Variants in MAP1B observed in about 807,000 individuals in gnomAD.
The protein encoded by MAP1B is microtubule-associated protein 1B.
MAP1B carries 12 observed loss-of-function variants against 176.1 expected under a neutral mutation model. The observed-to-expected ratio is 0.07, with a 90% CI of 0.04 to 0.11. The LOEUF (loss-of-function observed/expected upper bound fraction) is 0.11, where lower values mean the gene tolerates loss of function less well. MAP1B is among the 10% of genes least tolerant of loss of function. The pLI is 1.00. For synonymous variants in MAP1B, 1,044 were observed against 1,135.0 expected (o/e 0.92, Z 1.61); for missense variants, 2,523 against 2,990.5 (o/e 0.84, Z 3.65).
intron 2 of MAP1B, among the ~76,000 whole-genome samples, chr5:72,164,346 G>A (rs1746387785): frequency 6.6e-6 from 1 of 152,078 alleles, no homozygotes; most frequent in South Asian, 2.1e-4. Context: ...GATAATCTAG[G>A]CCAGGACTGT....
At chr5:72,141,062 T>C (rs1235565753) in intron 2 of MAP1B, among the ~76,000 whole-genome samples, 1 of 152,226 alleles carries the variant, frequency 6.6e-6, no homozygotes, top group Non-Finnish European at 1.5e-5. Flanking sequence ...TTTTGGTGTC[T>C]GTGTCTTCTG....
At position 72,206,011 on chromosome 5, in the gene MAP1B, C is replaced by CA. The variant is rs1027179167; in HGVS notation, c.*773dup. The CA allele has an allele frequency of 2.0e-5, 3 of 152,604 alleles. No individual in the cohort carries two copies. Among genetic ancestry groups the CA allele is most frequent in the African/African-American group, 7.2e-5 (3 of 41,412 alleles). 9.5% of individuals were successfully genotyped at this position (152,604 alleles called of 1,614,324 possible). A position where few individuals can be genotyped will look rare whatever the true frequency, so the allele number is the denominator to read the frequency against. The stretch of plus-strand genomic sequence containing the variant: ...TGGTTTGGGCCCCATTCAGAACTCT[C>CA]AGACTCTAAACACACAAGTAGATTG... On this transcript the variant is annotated 3_prime_UTR_variant, in exon 7 of 7. Transcript: ENST00000296755.
intron 2 of MAP1B, among the ~76,000 whole-genome samples, chr5:72,166,718 A>G (rs904601997): frequency 1.3e-5 from 2 of 152,146 alleles, no homozygotes; most frequent in African/African-American, 4.8e-5. Flanking sequence ...AGGATGTGTA[A>G]AGGGAAATGC....
chr5:72,129,556 TA>T (rs879933423), intron 2 of MAP1B, among the ~76,000 whole-genome samples: 275 of 140,656 alleles, frequency 2.0e-3, no homozygotes, highest in Middle Eastern at 0.011. Flanking sequence ...GACTCCGTCC[TA>T]AAAAAAAAAA....
Position 72,196,256 on chromosome 5 carries a change from C to T in MAP1B, c.2901C>T (p.Ser967=). 1 of 1,613,874 alleles carries T rather than the reference C, an allele frequency of 6.2e-7. No homozygotes were observed. The highest frequency in any genetic ancestry group is 2.2e-5 in the East Asian group (1 of 44,874). ...DGEEHVCVSA[S]KHSPTEDEES... is the part of the protein sequence containing the mutation. ...AGGAACACGTATGTGTGAGCGCCTC[C>T]AAGCACAGCCCCACTGAGGATGAGG... is the stretch of plus-strand genomic sequence containing the variant. The change falls in exon 5 of 7, where the codon TCC becomes TCT. Residue 967 remains serine (S), a synonymous_variant. Coordinates refer to ENST00000296755, the MANE Select transcript of MAP1B (RefSeq NM_005909.5). The surrounding 1 kb of genome is among the most constrained non-coding windows in gnomAD (Gnocchi z 5.3).
rs539374688 is a variant in MAP1B at position 72,166,720 on chromosome 5, G to A, written c.287-17023G>A. 2.0e-5 allele frequency among the ~76,000 whole-genome samples: 3 copies of A among 152,348 alleles called. No individual in the cohort carries two copies. The South Asian group carries it at 6.2e-4, about 32-fold the overall frequency. ...TGACTATTCGCCGAGGATGTGTAAA[G>A]GGAAATGCAAGCCCCAGGCAGCAGT... On this transcript the variant is annotated intron_variant, in intron 2 of 6. Coordinates refer to ENST00000296755, the MANE Select transcript of MAP1B (RefSeq NM_005909.5).
rs908055528 is a variant in MAP1B, at chr5:72,197,450, C to T, written c.4095C>T (p.Phe1365=). 2 of 1,614,088 alleles carry T rather than the reference C, an allele frequency of 1.2e-6. No individual in the cohort carries two copies. The highest frequency in any genetic ancestry group is 1.3e-5 in the African/African-American group (1 of 74,924). Residue 1365 remains phenylalanine, a synonymous_variant, in exon 5 of 7, where the codon TTC becomes TTT. Transcript: ENST00000296755. The part of the protein sequence containing the change: ...KPPAVPVSFE[F]SDAKDENERA... ...CAGCAGTTCCAGTGAGTTTTGAATT[C>T]AGTGATGCCAAAGATGAGAATGAAA... is the stretch of plus-strand genomic sequence containing the variant.
intron 2 of MAP1B, among the ~76,000 whole-genome samples, chr5:72,132,066 A>G (rs945325701): frequency 6.6e-6 from 1 of 152,216 alleles, no homozygotes; most frequent in East Asian, 1.9e-4. Context: ...AATAACCTGT[A>G]TATTATTTAG....
In MAP1B at chr5:72,204,309, C is replaced by T. The variant is rs906663773; in HGVS notation, c.7251+508C>T. On this transcript the variant is annotated intron_variant, in intron 6 of 6. Transcript: ENST00000296755. The surrounding 1 kb of genome is among the most constrained non-coding windows in gnomAD (Gnocchi z 4.4). ...CACTCCCAACTCCCAAACATCATGC[C>T]TGACCACAAACCATCCCTTATTTAT... Among the ~76,000 whole-genome samples the T allele has an allele frequency of 1.3e-5, 2 of 152,172 alleles. No individual in the cohort carries two copies. Among genetic ancestry groups the T allele is most frequent in the Non-Finnish European group, 2.9e-5 (2 of 68,038 alleles).
At chr5:72,131,044 G>A (rs959617535) in intron 2 of MAP1B, among the ~76,000 whole-genome samples, 6 of 152,098 alleles carry the variant, frequency 3.9e-5, no homozygotes, top group Non-Finnish European at 8.8e-5. Context: ...CAGTACTAAG[G>A]TTAATAAAAA....
chr5:72,127,321 A>G (rs781679939), intron 2 of MAP1B, among the ~76,000 whole-genome samples: 56 of 152,272 alleles, frequency 3.7e-4, no homozygotes, highest in African/African-American at 1.1e-3. Context: ...TATTACTGAC[A>G]GTGTACAATT....
intron 2 of MAP1B, among the ~76,000 whole-genome samples, chr5:72,146,817 C>T (rs1746052822): frequency 1.3e-5 from 2 of 152,184 alleles, no homozygotes; most frequent in South Asian, 2.1e-4. Flanking sequence ...ATTCCATGTA[C>T]AGGAAGTATG....
rs930269809 is a variant in MAP1B, at chr5:72,203,885, T to A, written c.7251+84T>A. ...AAGGAACCATGTTTAAAGAGGCACC[T>A]CATGTGGCTGATCGTGGATCCACAT... On this transcript the variant is annotated intron_variant, in intron 6 of 6. Transcript: ENST00000296755. 3 of 1,273,014 alleles carry A rather than the reference T, an allele frequency of 2.4e-6. No individual in the cohort carries two copies. The South Asian group carries it at 3.8e-5, about 16-fold the overall frequency. The allele number at this position is 1,273,014 out of a possible 1,614,324, so 78.9% of individuals were successfully genotyped here.
Position 72,199,874 on chromosome 5 carries a change from G to C in MAP1B, c.6519G>C (p.Thr2173=). ...PPETEECPSI[T]ADANIDSEDE... ...AGACTGAAGAGTGCCCCTCCATCACGGCCGATGCCAATATCGACTCTGAAG... is the reference window on the plus strand; with the variant it reads ...AGACTGAAGAGTGCCCCTCCATCACCGCCGATGCCAATATCGACTCTGAAG... Residue 2173 remains threonine, a synonymous_variant, in exon 5 of 7, where the codon ACG becomes ACC. Coordinates refer to ENST00000296755, the MANE Select transcript of MAP1B (RefSeq NM_005909.5). This position sits in a 1 kb window ranked among gnomAD's most constrained non-coding sequence, Gnocchi z 4.2. The C allele has an allele frequency of 6.2e-7, 1 of 1,614,090 alleles. No individual in the cohort carries two copies. The highest frequency in any genetic ancestry group is 8.5e-7 in the Non-Finnish European group (1 of 1,180,016).
chr5:72,195,052 C>T lies in MAP1B; in HGVS notation c.1697C>T (p.Pro566Leu), dbSNP rs748729003. 6.2e-7 allele frequency: 1 copy of T among 1,614,066 alleles called. No homozygotes were observed. The highest frequency in any genetic ancestry group is 8.5e-7 in the Non-Finnish European group (1 of 1,180,038). The part of the protein sequence containing the change: ...SVRKESKEET[P>L]EVTKVNHVEK... ...CGCAAGGAGTCAAAAGAAGAAACCCCTGAGGTCACAAAAGTGAATCACGTG... is the reference window on the plus strand; with the variant it reads ...CGCAAGGAGTCAAAAGAAGAAACCCTTGAGGTCACAAAAGTGAATCACGTG... The change falls in exon 5 of 7, where the codon CCT (proline) becomes CTT (leucine). Residue 566 changes from proline (P) to leucine (L), a missense_variant. By Grantham distance (98) the Pro-to-Leu change is moderately conservative. Transcript: ENST00000296755.
rs1747390394 is a variant in MAP1B, at chr5:72,204,016, G to A, written c.7251+215G>A. 6.6e-6 allele frequency among the ~76,000 whole-genome samples: 1 copy of A among 152,146 alleles called. No individual in the cohort carries two copies. The highest frequency in any genetic ancestry group is 1.9e-4 in the East Asian group (1 of 5,202). ...TATTCTTGGCACCACCACCAACCAC[G>A]GCCTTGGAGGAAAGACACCTTAACT... On this transcript the variant is annotated intron_variant, in intron 6 of 6. Transcript: ENST00000296755. This position sits in a 1 kb window ranked among gnomAD's most constrained non-coding sequence, Gnocchi z 4.4.
chr5:72,123,481 GT>G (rs1303382641), intron 2 of MAP1B, among the ~76,000 whole-genome samples: 1 of 123,094 alleles, frequency 8.1e-6, no homozygotes, highest in Non-Finnish European at 1.8e-5. Context: ...TGTTTTTTTT[GT>G]TTTTTTTTTA....
Position 72,203,746 on chromosome 5 carries a change from G to A in MAP1B, c.7196G>A (p.Arg2399Gln), listed in dbSNP as rs144647263. Residue 2399 changes from arginine (R) to glutamine (Q), a missense_variant, in exon 6 of 7, where the codon CGG (arginine) becomes CAG (glutamine). Arg to Gln is a conservative substitution (Grantham distance 43). Transcript: ENST00000296755. Reference protein sequence around the residue: ...GNDPAAEEPSRAVLDALLEGK... With the variant: ...GNDPAAEEPSQAVLDALLEGK... Reference sequence around the variant, plus strand: ...GACCCTGCTGCTGAGGAGCCCAGCCGGGCTGTCCTGGACGCTTTGTTGGAA... The same window carrying A: ...GACCCTGCTGCTGAGGAGCCCAGCCAGGCTGTCCTGGACGCTTTGTTGGAA... The A allele has an allele frequency of 3.1e-6, 5 of 1,613,484 alleles. No homozygotes were observed. Among genetic ancestry groups the A allele is most frequent in the Admixed American group, 1.7e-5 (1 of 60,012 alleles).
chr5:72,128,915 A>C (rs1344321537), intron 2 of MAP1B, among the ~76,000 whole-genome samples: 1 of 152,180 alleles, frequency 6.6e-6, no homozygotes, highest in Non-Finnish European at 1.5e-5. Flanking sequence ...GGCCTCCCAA[A>C]GTGCTGGGAT....
Sources: allele counts gnomAD v4.1 joint callset (sites outside exome capture counted in the v4.1 genomes callset), GRCh38; gene constraint gnomAD v4.1.1; non-coding constraint Gnocchi (gnomAD v3.1); transcripts MANE v1.5; gene names NCBI Gene and HGNC (gene_info 2026-07-23, HGNC 2026-07-21).